The following CSTPP1 variants were observed in gnomAD, a reference collection of about 807,000 sequenced individuals.
The protein encoded by CSTPP1 is UPF0705 protein C11orf49.
the CSTPP1 span, chr11:47,103,921 C>T: frequency 6.6e-6 from 1 of 152,058 alleles, no homozygotes; most frequent in Admixed American, 6.5e-5. Context: ...CCCTCCTTGG[C>T]CTCCCAAAGT....
At chr11:47,139,687 G>A in the CSTPP1 span, among the ~76,000 whole-genome samples, 5 of 150,580 alleles carry the variant, frequency 3.3e-5, no homozygotes, top group Non-Finnish European at 5.9e-5. Flanking sequence ...AAAAAAAAAA[G>A]GGAGCATGAA....
At chr11:47,130,206 G>A in the CSTPP1 span, among the ~76,000 whole-genome samples, 3 of 151,206 alleles carry the variant, frequency 2.0e-5, no homozygotes, top group Non-Finnish European at 2.9e-5. Flanking sequence ...GCAGTGAGCC[G>A]AGATAGCGCC....
At chr11:47,074,524 GA>G in the CSTPP1 span, among the ~76,000 whole-genome samples, 356 of 126,250 alleles carry the variant, frequency 2.8e-3, 2 homozygotes, top group South Asian at 0.039. Context: ...AAAAAAAACA[GA>G]AAAAAAAAAA....
chr11:46,993,212 C>T, the CSTPP1 span, among the ~76,000 whole-genome samples: 1 of 152,156 alleles, frequency 6.6e-6, no homozygotes, highest in East Asian at 1.9e-4. Flanking sequence ...ATGGTAGTTT[C>T]TTTTGCAGTG....
the CSTPP1 span, among the ~76,000 whole-genome samples, chr11:47,016,390 C>CAAAA: frequency 5.0e-4 from 63 of 125,756 alleles, no homozygotes; most frequent in Middle Eastern, 4.2e-3. Context: ...ATGGAATCTA[C>CAAAA]AAAAAACAAA....
chr11:47,141,910 G>T, the CSTPP1 span, among the ~76,000 whole-genome samples: 4 of 111,070 alleles, frequency 3.6e-5, no homozygotes, highest in South Asian at 1.3e-3. Flanking sequence ...TCCAGCCTGG[G>T]CAACAGAGCT....
At chr11:47,064,787 C>T in the CSTPP1 span, among the ~76,000 whole-genome samples, 2 of 152,152 alleles carry the variant, frequency 1.3e-5, no homozygotes, top group Non-Finnish European at 2.9e-5. Flanking sequence ...CTCTGTTGCC[C>T]AGGCTGGAGT....
the CSTPP1 span, among the ~76,000 whole-genome samples, chr11:47,066,565 G>T: frequency 1.3e-5 from 2 of 152,222 alleles, no homozygotes; most frequent in African/African-American, 4.8e-5. Context: ...GTTGGAAAAT[G>T]AATGAATACA....
chr11:47,137,899 A>G, the CSTPP1 span: 1 of 651,998 alleles, frequency 1.5e-6, no homozygotes, highest in Non-Finnish European at 2.6e-6. Context: ...CTGCATTTCC[A>G]AAGGGAAGCG....
chr11:46,983,644 T>TA, the CSTPP1 span, among the ~76,000 whole-genome samples: 9 of 151,892 alleles, frequency 5.9e-5, no homozygotes, highest in East Asian at 3.8e-4. Context: ...TCCTTTGCAT[T>TA]AAAAAAAATG....
the CSTPP1 span, among the ~76,000 whole-genome samples, chr11:47,095,283 G>C: frequency 6.6e-6 from 1 of 152,208 alleles, no homozygotes. Flanking sequence ...GCTAGTATTA[G>C]ACAGGATTTC....
chr11:47,019,915 G>GT, the CSTPP1 span, among the ~76,000 whole-genome samples: 1 of 152,142 alleles, frequency 6.6e-6, no homozygotes. Flanking sequence ...AGGTATGCCT[G>GT]TAAATGGTGC....
At chr11:46,953,421 G>T in the CSTPP1 span, among the ~76,000 whole-genome samples, 2 of 152,082 alleles carry the variant, frequency 1.3e-5, no homozygotes, top group African/African-American at 4.8e-5. Context: ...TCCAAGGGAA[G>T]GAAAGGATGA....
At chr11:47,070,870 A>G in the CSTPP1 span, among the ~76,000 whole-genome samples, 1 of 152,192 alleles carries the variant, frequency 6.6e-6, no homozygotes, top group African/African-American at 2.4e-5. Flanking sequence ...ACCCAACACC[A>G]GCTTTCCAAC....
At chr11:47,036,190 ATATTATATAT>A in the CSTPP1 span, among the ~76,000 whole-genome samples, 3 of 51,968 alleles carry the variant, frequency 5.8e-5, 1 homozygote, top group Non-Finnish European at 1.2e-4. Context: ...ATATATATTT[ATATTATATAT>A]TATATATTAT....
At chr11:46,968,493 A>T in the CSTPP1 span, among the ~76,000 whole-genome samples, 2 of 150,324 alleles carry the variant, frequency 1.3e-5, no homozygotes, top group Non-Finnish European at 3.0e-5. Context: ...TTTATAAGAA[A>T]ATGATAACTG....
the CSTPP1 span, among the ~76,000 whole-genome samples, chr11:47,036,040 T>A: frequency 7.2e-4 from 8 of 11,046 alleles, no homozygotes; most frequent in Non-Finnish European, 1.2e-3. Flanking sequence ...AAAAGATATA[T>A]ATATATATAT....
the CSTPP1 span, among the ~76,000 whole-genome samples, chr11:47,005,914 T>G: frequency 6.6e-6 from 1 of 152,206 alleles, no homozygotes; most frequent in Non-Finnish European, 1.5e-5. Flanking sequence ...TCATTCAATA[T>G]ATATTTATTG....
chr11:46,965,901 A>T, the CSTPP1 span, among the ~76,000 whole-genome samples: 1 of 152,224 alleles, frequency 6.6e-6, no homozygotes, highest in Non-Finnish European at 1.5e-5. Context: ...GTGCACTACG[A>T]AAGGACATTT....
Sources: gnomAD v4.1 joint callset for allele counts (sites outside exome capture counted in the v4.1 genomes callset) on GRCh38, gnomAD v4.1.1 for gene constraint, MANE v1.5 for transcripts, NCBI Gene and HGNC (gene_info 2026-07-23, HGNC 2026-07-21) for gene names.